Variants in ESR1 observed in about 807,000 individuals in gnomAD.
ESR1 encodes the protein estrogen receptor.
ESR1 carries 12 observed loss-of-function variants against 52.7 expected under a neutral mutation model. That is an observed-to-expected ratio of 0.23 (90% CI 0.15 to 0.37). ESR1 has a LOEUF of 0.37. ESR1 is among the 10% of genes least tolerant of loss of function. The probability of loss-of-function intolerance (pLI) is 1.00; values close to 1 mark genes in which losing one functional copy is unlikely to be tolerated. For synonymous variants in ESR1, 305 were observed against 316.8 expected (o/e 0.96, Z 0.39); for missense variants, 584 against 779.7 (o/e 0.75, Z 2.99).
At chr6:151,897,172 G>A (rs1262130007) in intron 3 of ESR1, among the ~76,000 whole-genome samples, 2 of 152,188 alleles carry the variant, frequency 1.3e-5, no homozygotes, top group African/African-American at 4.8e-5. Flanking sequence ...TGGGTAGAAT[G>A]TTATGTAAAG....
chr6:151,974,484 T>G (rs937923971), intron 4 of ESR1, among the ~76,000 whole-genome samples: 1 of 152,172 alleles, frequency 6.6e-6, no homozygotes, highest in Non-Finnish European at 1.5e-5. Context: ...CATAGTGATA[T>G]TGACCTGAGA....
chr6:151,800,627 A>C (rs1272038124), upstream of ESR1, among the ~76,000 whole-genome samples: 2 of 152,112 alleles, frequency 1.3e-5, no homozygotes, highest in Non-Finnish European at 2.9e-5. Context: ...CCCCAACCCC[A>C]CACTGAGAAA....
intron 6 of ESR1, among the ~76,000 whole-genome samples, chr6:152,080,469 C>T (rs1280418304): frequency 6.6e-6 from 1 of 152,092 alleles, no homozygotes; most frequent in Non-Finnish European, 1.5e-5. Context: ...ATTTTGTCAC[C>T]ACCAGGCCTG....
At chr6:152,045,106 C>G (rs919567522) in intron 5 of ESR1, among the ~76,000 whole-genome samples, 2 of 152,152 alleles carry the variant, frequency 1.3e-5, no homozygotes, top group African/African-American at 2.4e-5. Context: ...TGCATGTTAA[C>G]TCAGTCTTAA....
chr6:151,965,377 C>T (rs2038158542), intron 4 of ESR1, among the ~76,000 whole-genome samples: 1 of 152,088 alleles, frequency 6.6e-6, no homozygotes, highest in Non-Finnish European at 1.5e-5. Context: ...ATAATGAGTA[C>T]AAATGGTAAA....
intron 1 of ESR1, among the ~76,000 whole-genome samples, chr6:151,701,620 A>G (rs887096639): frequency 3.9e-5 from 6 of 152,070 alleles, no homozygotes; most frequent in Admixed American, 1.3e-4. Flanking sequence ...CTGTGCGTGA[A>G]TGAAGAAATA....
At chr6:151,831,325 A>G (rs533274325) in intron 1 of ESR1, among the ~76,000 whole-genome samples, 195 of 152,022 alleles carry the variant, frequency 1.3e-3, no homozygotes, top group Non-Finnish European at 2.2e-3. Flanking sequence ...TTTTTTGTAG[A>G]GTTGGGGTCT....
At chr6:152,065,361 C>G (rs1585078931) in intron 6 of ESR1, among the ~76,000 whole-genome samples, 1 of 152,206 alleles carries the variant, frequency 6.6e-6, no homozygotes. Context: ...CATCAGTGGG[C>G]CCTGGTTTTA....
At chr6:152,049,875 C>A (rs1477969683) in intron 5 of ESR1, among the ~76,000 whole-genome samples, 1 of 152,196 alleles carries the variant, frequency 6.6e-6, no homozygotes, top group Non-Finnish European at 1.5e-5. Context: ...AATGCCTCAA[C>A]AAGGCAGGTC....
At chr6:152,067,056 GT>G in intron 6 of ESR1, among the ~76,000 whole-genome samples, 1 of 152,120 alleles carries the variant, frequency 6.6e-6, no homozygotes, top group East Asian at 1.9e-4. Context: ...AAATTACTCT[GT>G]TCTTCTTAGC....
intron 1 of ESR1, among the ~76,000 whole-genome samples, chr6:151,841,013 CT>C: frequency 1.3e-5 from 2 of 152,246 alleles, no homozygotes; most frequent in South Asian, 4.1e-4. Context: ...GAGATGCAAA[CT>C]CATCTTCCTC....
chr6:151,757,803 G>T (rs1043924682), intron 2 of ESR1, among the ~76,000 whole-genome samples: 1 of 152,186 alleles, frequency 6.6e-6, no homozygotes, highest in African/African-American at 2.4e-5. Flanking sequence ...GGTGTGGTGT[G>T]TGAAACTGAG....
chr6:151,972,084 C>T (rs2038969786), intron 4 of ESR1, among the ~76,000 whole-genome samples: 1 of 152,052 alleles, frequency 6.6e-6, no homozygotes, highest in Admixed American at 6.6e-5. Flanking sequence ...AAATATACAA[C>T]CCTCCTAGGT....
At chr6:151,766,221 C>T (rs1785038269) in intron 2 of ESR1, among the ~76,000 whole-genome samples, 1 of 152,106 alleles carries the variant, frequency 6.6e-6, no homozygotes, top group South Asian at 2.1e-4. Flanking sequence ...AGACAAGGAA[C>T]GAGGTACTAA....
intron 4 of ESR1, among the ~76,000 whole-genome samples, chr6:151,972,753 T>A (rs2039038904): frequency 6.6e-6 from 1 of 152,116 alleles, no homozygotes; most frequent in African/African-American, 2.4e-5. Context: ...ACTCACACGA[T>A]CACAAGGTTG....
intron 1 of ESR1, among the ~76,000 whole-genome samples, chr6:151,675,853 A>G (rs1441324092): frequency 1.3e-5 from 2 of 152,188 alleles, no homozygotes; most frequent in Admixed American, 6.5e-5. Flanking sequence ...TGAAGCCGCC[A>G]TAGATTTAAG....
chr6:151,885,417 T>C (rs968480528), intron 3 of ESR1, among the ~76,000 whole-genome samples: 6 of 152,154 alleles, frequency 3.9e-5, no homozygotes, highest in African/African-American at 1.4e-4. Context: ...ATATTATTAC[T>C]CAAGAATGTG....
intron 5 of ESR1, among the ~76,000 whole-genome samples, chr6:152,031,722 C>G (rs1000981148): frequency 3.9e-4 from 60 of 152,178 alleles, no homozygotes; most frequent in African/African-American, 1.4e-3. Context: ...CAAGGAGGAG[C>G]TGGTACCATT....
chr6:152,056,086 T>G (rs2047078274), intron 5 of ESR1, among the ~76,000 whole-genome samples: 1 of 151,984 alleles, frequency 6.6e-6, no homozygotes, highest in Non-Finnish European at 1.5e-5. Context: ...GACTCAAGAG[T>G]CTAAACAACT....
Sources: allele counts gnomAD v4.1 joint callset (sites outside exome capture counted in the v4.1 genomes callset), GRCh38; gene constraint gnomAD v4.1.1; transcripts MANE v1.5; gene names NCBI Gene and HGNC (gene_info 2026-07-23, HGNC 2026-07-21).